Variants in SLIT2 observed in about 807,000 individuals in gnomAD.
SLIT2 encodes slit homolog 2 protein.
Under a neutral mutation model 185.7 loss-of-function variants are expected in SLIT2, and 41 were observed. The observed-to-expected ratio is 0.22, with a 90% CI of 0.17 to 0.29. The LOEUF (loss-of-function observed/expected upper bound fraction) is 0.29. Ranked by LOEUF, SLIT2 falls within the 10% of genes least tolerant of loss-of-function variation. SLIT2 has a pLI of 1.00. For missense variants in SLIT2, 1,571 were observed against 1,909.0 expected (o/e 0.82, Z 3.30); for synonymous variants, 693 against 680.2 (o/e 1.02, Z -0.29).
chr4:20,490,580 G>A (rs1717697460), intron 8 of SLIT2, among the ~76,000 whole-genome samples: 1 of 152,130 alleles, frequency 6.6e-6, no homozygotes, highest in Admixed American at 6.5e-5. Context: ...TAAAGGCAGG[G>A]TAGGGAGACA....
At chr4:20,385,117 G>A (rs980856057) in intron 4 of SLIT2, among the ~76,000 whole-genome samples, 7 of 152,080 alleles carry the variant, frequency 4.6e-5, no homozygotes, top group Non-Finnish European at 1.0e-4. Flanking sequence ...TGATATAGAG[G>A]ACCTCATTGG....
chr4:20,319,711 TA>T (rs143956898), intron 4 of SLIT2, among the ~76,000 whole-genome samples: 5,546 of 151,896 alleles, frequency 0.037, 167 homozygotes, highest in Non-Finnish European at 0.057. Context: ...AGTTTGCAAA[TA>T]TATTTCCATC....
chr4:20,477,854 G>A (rs75354360), intron 5 of SLIT2, among the ~76,000 whole-genome samples: 7,421 of 152,058 alleles, frequency 0.049, 292 homozygotes, highest in African/African-American at 0.097. Context: ...GAATAATTTC[G>A]TAGCACAATT....
At chr4:20,471,363 A>C (rs539968391) in intron 5 of SLIT2, among the ~76,000 whole-genome samples, 1 of 152,200 alleles carries the variant, frequency 6.6e-6, no homozygotes, top group Non-Finnish European at 1.5e-5. Flanking sequence ...ACTGGTGAAC[A>C]TAAGTCATCG....
chr4:20,472,290 A>ATATATC (rs1560452875), intron 5 of SLIT2, among the ~76,000 whole-genome samples: 33 of 29,014 alleles, frequency 1.1e-3, no homozygotes, highest in Non-Finnish European at 1.4e-3. Flanking sequence ...ATATATAGAT[A>ATATATC]TATAGATATA....
At chr4:20,376,789 T>C (rs946025156) in intron 4 of SLIT2, among the ~76,000 whole-genome samples, 1 of 152,124 alleles carries the variant, frequency 6.6e-6, no homozygotes, top group East Asian at 1.9e-4. Flanking sequence ...AACCAAACAC[T>C]GCATGTTCTC....
intron 7 of SLIT2, among the ~76,000 whole-genome samples, chr4:20,486,649 A>G (rs1436791461): frequency 6.6e-6 from 1 of 152,148 alleles, no homozygotes; most frequent in Non-Finnish European, 1.5e-5. Context: ...TGGTTCTTCA[A>G]CATTCCTTAT....
chr4:20,290,588 G>T (rs374348534), intron 4 of SLIT2, among the ~76,000 whole-genome samples: 1 of 152,136 alleles, frequency 6.6e-6, no homozygotes, highest in Non-Finnish European at 1.5e-5. Flanking sequence ...GACTATATGT[G>T]TGTATTTGTG....
intron 32 of SLIT2, 134 bp from the exon 33 acceptor site, chr4:20,598,131 G>T: frequency 2.8e-6 from 2 of 712,390 alleles, no homozygotes; most frequent in Non-Finnish European, 4.4e-6. Flanking sequence ...AATAATTTCA[G>T]CATCGTTTTC....
chr4:20,276,202 A>G (rs1483023842), intron 4 of SLIT2, among the ~76,000 whole-genome samples: 1 of 152,162 alleles, frequency 6.6e-6, no homozygotes, highest in African/African-American at 2.4e-5. Context: ...TTATGAGACA[A>G]GTTTGAACCA....
chr4:20,257,086 A>G (rs533019970), intron 2 of SLIT2, among the ~76,000 whole-genome samples: 1 of 152,264 alleles, frequency 6.6e-6, no homozygotes, highest in South Asian at 2.1e-4. Context: ...ATTTGAAATT[A>G]ACTAAAATAT....
chr4:20,580,959 A>C (rs893361631), intron 29 of SLIT2, among the ~76,000 whole-genome samples: 1 of 152,230 alleles, frequency 6.6e-6, no homozygotes, highest in African/African-American at 2.4e-5. Flanking sequence ...AATGAAAAAA[A>C]GAAAAAGAAA....
chr4:20,481,596 G>T (rs1216467819), intron 6 of SLIT2, among the ~76,000 whole-genome samples: 1 of 151,888 alleles, frequency 6.6e-6, no homozygotes, highest in Non-Finnish European at 1.5e-5. Context: ...AGAAAATTTA[G>T]TCAGAAATCT....
chr4:20,323,899 T>G (rs1334655040), intron 4 of SLIT2, among the ~76,000 whole-genome samples: 1 of 152,196 alleles, frequency 6.6e-6, no homozygotes, highest in Non-Finnish European at 1.5e-5. Flanking sequence ...TACAAAATTA[T>G]TTGATGTATA....
chr4:20,415,575 TTACA>T (rs1356255941), intron 4 of SLIT2, among the ~76,000 whole-genome samples: 2 of 152,156 alleles, frequency 1.3e-5, no homozygotes, highest in Admixed American at 1.3e-4. Context: ...ATTTAATTCT[TTACA>T]TAGGAATAAT....
At chr4:20,535,649 C>T (rs953148049) in intron 18 of SLIT2, among the ~76,000 whole-genome samples, 3 of 152,100 alleles carry the variant, frequency 2.0e-5, no homozygotes, top group African/African-American at 4.8e-5. Context: ...GAAGTGCTGA[C>T]AGGGTGGGTT....
intron 9 of SLIT2, among the ~76,000 whole-genome samples, chr4:20,492,968 T>C (rs1206372594): frequency 1.3e-5 from 2 of 152,036 alleles, no homozygotes; most frequent in Non-Finnish European, 2.9e-5. Flanking sequence ...CTAGACTCTG[T>C]GAAGATTTGA....
At chr4:20,300,926 A>C (rs1348755989) in intron 4 of SLIT2, among the ~76,000 whole-genome samples, 2 of 152,116 alleles carry the variant, frequency 1.3e-5, no homozygotes, top group African/African-American at 4.8e-5. Context: ...AAAAATGGAT[A>C]TGGTATACAT....
chr4:20,497,353 G>C lies in SLIT2; in HGVS notation c.914+5454G>C, dbSNP rs145021390. ...AATGGCTTCAATCATACATTTGCTT[G>C]ACTCTCAAGCCCATGGTCCTAACTT... is the stretch of plus-strand genomic sequence containing the variant. On this transcript the variant is annotated intron_variant, in intron 9 of 36. Coordinates refer to ENST00000504154, the MANE Select transcript of SLIT2 (RefSeq NM_004787.4). 2.3e-3 allele frequency among the ~76,000 whole-genome samples: 354 copies of C among 152,048 alleles called. 3 individuals carry two copies. In the East Asian group the frequency reaches 0.041, roughly 18 times the overall value.
Sources: gnomAD v4.1 joint callset for allele counts (sites outside exome capture counted in the v4.1 genomes callset) on GRCh38, gnomAD v4.1.1 for gene constraint, MANE v1.5 for transcripts, NCBI Gene and HGNC (gene_info 2026-07-23, HGNC 2026-07-21) for gene names.